Variants in NPR3 observed in about 807,000 individuals in gnomAD.
NPR3 encodes the protein atrial natriuretic peptide receptor 3.
NPR3 carries 34 observed loss-of-function variants against 54.5 expected under a neutral mutation model. That is an observed-to-expected ratio of 0.62 (90% CI 0.47 to 0.83). NPR3 has a LOEUF of 0.83. NPR3 is among the 40% of genes least tolerant of loss of function. The probability of loss-of-function intolerance (pLI) is 0.00; values close to 1 mark genes in which losing one functional copy is unlikely to be tolerated. For missense variants in NPR3, 674 were observed against 720.8 expected, an observed-to-expected ratio of 0.94 and a Z score of 0.74; for synonymous variants, 289 against 297.1, an observed-to-expected ratio of 0.97 and a Z score of 0.28.
At position 32,778,813 on chromosome 5, in the gene NPR3, C is replaced by G. The variant is rs114025753; in HGVS notation, c.1196-1909C>G. ...AAAGGTATAATGAGGTCTTAAATTA[C>G]TAGGGCCACCTCATCTTATAAAATA... On this transcript the variant is annotated intron_variant, in intron 4 of 7. Transcript: ENST00000265074. 6.1e-3 allele frequency among the ~76,000 whole-genome samples: 932 copies of G among 152,308 alleles called. 8 individuals carry two copies. The highest frequency in any genetic ancestry group is 0.022 in the African/African-American group (904 of 41,570).
intron 3 of NPR3, among the ~76,000 whole-genome samples, chr5:32,769,326 C>T (rs1167041068): frequency 6.6e-6 from 1 of 152,206 alleles, no homozygotes. Flanking sequence ...GCTATGCACA[C>T]AGCACTCCCA....
intron 4 of NPR3, among the ~76,000 whole-genome samples, chr5:32,776,768 A>G (rs1428991798): frequency 6.6e-6 from 1 of 152,184 alleles, no homozygotes; most frequent in African/African-American, 2.4e-5. Flanking sequence ...TTGAGCTTAC[A>G]TGCCAGTGGG....
intron 2 of NPR3, among the ~76,000 whole-genome samples, chr5:32,737,275 T>TTCAA (rs1233641849): frequency 6.6e-6 from 1 of 152,196 alleles, no homozygotes; most frequent in African/African-American, 2.4e-5. Context: ...CTGTGATAAC[T>TTCAA]TCAACTGTTT....
chr5:32,758,414 T>C (rs1179406670), intron 3 of NPR3, among the ~76,000 whole-genome samples: 1 of 152,228 alleles, frequency 6.6e-6, no homozygotes, highest in African/African-American at 2.4e-5. Flanking sequence ...TATTCTCTGA[T>C]GGTAGTTTGT....
intron 3 of NPR3, among the ~76,000 whole-genome samples, chr5:32,744,762 C>T (rs1379057129): frequency 6.6e-6 from 1 of 152,156 alleles, no homozygotes; most frequent in African/African-American, 2.4e-5. Flanking sequence ...TCCTGACACC[C>T]CAGACTATGT....
In NPR3 at chr5:32,786,709, T is replaced by C. The variant is rs1407245228; in HGVS notation, c.*364T>C. 1 of 198,240 alleles carries C rather than the reference T, an allele frequency of 5.0e-6. No individual in the cohort carries two copies. Among genetic ancestry groups the C allele is most frequent in the Non-Finnish European group, 1.0e-5 (1 of 100,164 alleles). 12.3% of individuals were successfully genotyped at this position (198,240 alleles called of 1,614,324 possible). ...ATGCGGTTTTCTTAAATGAAATGTTTTGTAGCTAGAATAAAATCATTTTTA... is the reference window on the plus strand; with the variant it reads ...ATGCGGTTTTCTTAAATGAAATGTTCTGTAGCTAGAATAAAATCATTTTTA... On this transcript the variant is annotated 3_prime_UTR_variant, in exon 8 of 8. Transcript: ENST00000265074.
intron 3 of NPR3, among the ~76,000 whole-genome samples, chr5:32,774,006 T>C (rs1382459681): frequency 2.0e-5 from 3 of 152,244 alleles, no homozygotes; most frequent in African/African-American, 7.2e-5. Flanking sequence ...CTAGCTTACT[T>C]GAGTCAGGGC....
intron 1 of NPR3, among the ~76,000 whole-genome samples, chr5:32,699,145 T>C (rs977749755): frequency 2.6e-5 from 4 of 152,190 alleles, no homozygotes; most frequent in Admixed American, 1.3e-4. Context: ...GTGTTGTATG[T>C]TTTTTATTTG....
At chr5:32,737,719 A>G (rs1036313311) in intron 2 of NPR3, among the ~76,000 whole-genome samples, 5 of 152,182 alleles carry the variant, frequency 3.3e-5, no homozygotes, top group African/African-American at 1.2e-4. Flanking sequence ...AAAATAAAAT[A>G]ACGAAGAGAA....
chr5:32,767,453 A>G (rs763138374), intron 3 of NPR3, among the ~76,000 whole-genome samples: 7 of 152,250 alleles, frequency 4.6e-5, no homozygotes, highest in Non-Finnish European at 8.8e-5. Context: ...TAGGTGTTCA[A>G]TAAAAGTTGG....
chr5:32,781,409 T>C (rs915525917), intron 5 of NPR3, among the ~76,000 whole-genome samples: 6 of 152,222 alleles, frequency 3.9e-5, no homozygotes, highest in Non-Finnish European at 7.3e-5. Context: ...TATACAATTA[T>C]ACAAATATGC....
intron 1 of NPR3, among the ~76,000 whole-genome samples, chr5:32,693,595 A>T (rs1446043727): frequency 6.6e-6 from 1 of 152,212 alleles, no homozygotes; most frequent in African/African-American, 2.4e-5. Context: ...TTACTTTTGA[A>T]CATAGCATAT....
In NPR3 at chr5:32,712,479, A is replaced by G; in HGVS notation, c.703A>G (p.Ser235Gly). ...GGAGGGTTTGCACACGTCCATCTACAGTTTCGACGAGACCAAAGACTTGGA... is the reference window on the plus strand; with the variant it reads ...GGAGGGTTTGCACACGTCCATCTACGGTTTCGACGAGACCAAAGACTTGGA... The part of the protein sequence containing the change: ...QEEGLHTSIY[S>G]FDETKDLDLE... The change falls in exon 1 of 8, where the codon AGT becomes GGT. Residue 235 changes from serine (S) to glycine (G), a missense_variant. By Grantham distance (56) the Ser-to-Gly change is moderately conservative (BLOSUM62 0). Transcript: ENST00000265074. The G allele has an allele frequency of 6.3e-7, 1 of 1,579,490 alleles. No homozygotes were observed. Among genetic ancestry groups the G allele is most frequent in the Non-Finnish European group, 8.6e-7 (1 of 1,164,240 alleles).
intron 3 of NPR3, among the ~76,000 whole-genome samples, chr5:32,763,171 G>A (rs1473314097): frequency 6.6e-6 from 1 of 152,128 alleles, no homozygotes; most frequent in Non-Finnish European, 1.5e-5. Flanking sequence ...TGAGGCCTCT[G>A]TTCTGTTCCA....
chr5:32,750,130 C>T (rs1242850757), intron 3 of NPR3, among the ~76,000 whole-genome samples: 1 of 152,042 alleles, frequency 6.6e-6, no homozygotes, highest in Non-Finnish European at 1.5e-5. Context: ...TTACCTTTTC[C>T]GAACTTCCAA....
intron 1 of NPR3, among the ~76,000 whole-genome samples, chr5:32,691,768 T>C (rs966484091): frequency 6.6e-6 from 1 of 152,214 alleles, no homozygotes; most frequent in African/African-American, 2.4e-5. Flanking sequence ...AAGAGCTTCA[T>C]CAGAGCAGTT....
At chr5:32,751,629 C>T (rs1332276870) in intron 3 of NPR3, among the ~76,000 whole-genome samples, 2 of 152,010 alleles carry the variant, frequency 1.3e-5, no homozygotes, top group African/African-American at 2.4e-5. Context: ...ACTAATTAAA[C>T]AAATACCCCA....
rs114675433 is a variant in NPR3, at chr5:32,736,394, A to T, written c.893-2470A>T. Among the ~76,000 whole-genome samples the T allele has an allele frequency of 5.7e-3, 865 of 152,250 alleles. 4 individuals carry two copies. Among genetic ancestry groups the T allele is most frequent in the African/African-American group, 0.019 (780 of 41,530 alleles). On this transcript the variant is annotated intron_variant, in intron 2 of 7. Transcript: ENST00000265074. Reference sequence around the variant, plus strand: ...TGAGATAGTTGCAGTTTCTAGTCCTATGTGTGTTTTCTAATTACATAACAT... The same window carrying T: ...TGAGATAGTTGCAGTTTCTAGTCCTTTGTGTGTTTTCTAATTACATAACAT...
intron 3 of NPR3, among the ~76,000 whole-genome samples, chr5:32,752,545 C>T (rs542445241): frequency 4.6e-5 from 7 of 152,314 alleles, no homozygotes; most frequent in African/African-American, 1.7e-4. Context: ...TTTCTCCTCC[C>T]CTCCTTCGCC....
Sources: gnomAD v4.1 joint callset for allele counts (sites outside exome capture counted in the v4.1 genomes callset) on GRCh38, gnomAD v4.1.1 for gene constraint, MANE v1.5 for transcripts, NCBI Gene and HGNC (gene_info 2026-07-23, HGNC 2026-07-21) for gene names.